CCDC149: variants seen among roughly 807,000 people sequenced by gnomAD.
CCDC149 encodes coiled-coil domain containing 149, also known as coiled-coil domain-containing protein 149.
CCDC149 carries 45 observed loss-of-function variants against 59.9 expected under a neutral mutation model. That is an observed-to-expected ratio of 0.75 (90% CI 0.59 to 0.96). The LOEUF is 0.96. CCDC149 is among the 40% of genes least tolerant of loss of function. The pLI is 0.00. For synonymous variants in CCDC149, 245 were observed against 260.6 expected (o/e 0.94, Z 0.58); for missense variants, 584 against 664.7 (o/e 0.88, Z 1.33).
chr4:24,894,732 C>T (rs1399465302), intron 1 of CCDC149, among the ~76,000 whole-genome samples: 1 of 151,336 alleles, frequency 6.6e-6, no homozygotes, highest in Non-Finnish European at 1.5e-5. Context: ...GTGAGATGCC[C>T]TTTCGAACAT....
chr4:24,891,016 C>T (rs567168357), intron 1 of CCDC149, among the ~76,000 whole-genome samples: 15 of 152,336 alleles, frequency 9.8e-5, no homozygotes, highest in Admixed American at 4.6e-4. Context: ...CCTCCCCAGC[C>T]GAGCCCTGTG....
intron 1 of CCDC149, among the ~76,000 whole-genome samples, chr4:24,904,147 T>C (rs986982767): frequency 6.6e-6 from 1 of 152,250 alleles, no homozygotes; most frequent in Non-Finnish European, 1.5e-5. Context: ...ATTGTGGTGA[T>C]GGTTACACCA....
chr4:24,956,480 A>T (rs6817068), intron 1 of CCDC149, among the ~76,000 whole-genome samples: 83,382 of 151,940 alleles, frequency 0.55, 24,364 homozygotes, highest in Non-Finnish European at 0.66. Context: ...AATATAAATT[A>T]CTTTAGTGAT....
upstream of CCDC149, among the ~76,000 whole-genome samples, chr4:24,913,245 C>A (rs1365501716): frequency 6.6e-6 from 1 of 152,126 alleles, no homozygotes; most frequent in Non-Finnish European, 1.5e-5. Context: ...GCGCGGGAGG[C>A]GGGCCCCACG....
rs370742550 is a variant in CCDC149, at chr4:24,896,542, A to G, written c.63+16275T>C. 3.3e-5 allele frequency among the ~76,000 whole-genome samples: 5 copies of G among 152,324 alleles called. No individual in the cohort carries two copies. In the East Asian group the frequency reaches 9.6e-4, roughly 29 times the overall value. On this transcript the variant is annotated intron_variant, in intron 1 of 12. Coordinates refer to ENST00000635206, the MANE Select transcript of CCDC149 (RefSeq NM_001330643.2). ...GGTGTATGTTCAGACACGCTATAAT[A>G]CAGGTCAGATCCCATTACAGAAAGT... is the stretch of plus-strand genomic sequence containing the variant.
At chr4:24,881,205 T>A (rs1475449836) in intron 1 of CCDC149, among the ~76,000 whole-genome samples, 1 of 152,208 alleles carries the variant, frequency 6.6e-6, no homozygotes, top group Non-Finnish European at 1.5e-5. Flanking sequence ...AGGCCAAACG[T>A]CTATTGGGTC....
At chr4:24,889,249 G>A (rs1448578850) in intron 1 of CCDC149, among the ~76,000 whole-genome samples, 1 of 152,088 alleles carries the variant, frequency 6.6e-6, no homozygotes, top group East Asian at 1.9e-4. Flanking sequence ...CCTGTCCTTT[G>A]CAAGCCTATA....
At position 24,808,447 on chromosome 4, in the gene CCDC149, G is replaced by T; in HGVS notation, c.1565C>A (p.Pro522Gln). The change falls in exon 13 of 13, where the codon CCG becomes CAG. Residue 522 changes from proline (P) to glutamine (Q), a missense_variant. Physicochemically the swap from Pro to Gln is moderately conservative, Grantham distance 76 (BLOSUM62 -1). Transcript: ENST00000635206. ...CTCTGGGATCCCTTTGCCGTCTTCC[G>T]GTGTGGAAGCTTTGGCTGCTGGCCG... 2 of 1,463,654 alleles carry T rather than the reference G, an allele frequency of 1.4e-6. No homozygotes were observed. Among genetic ancestry groups the T allele is most frequent in the Non-Finnish European group, 1.8e-6 (2 of 1,107,234 alleles). The allele number at this position is 1,463,654 out of a possible 1,614,324, so 90.7% of individuals were successfully genotyped here. A position where few individuals can be genotyped will look rare whatever the true frequency, so the allele number is the denominator to read the frequency against.
At chr4:24,847,865 G>A (rs948901655) in intron 4 of CCDC149, among the ~76,000 whole-genome samples, 2 of 152,120 alleles carry the variant, frequency 1.3e-5, no homozygotes, top group African/African-American at 2.4e-5. Context: ...ACTTCACTTT[G>A]GTAACCTGAC....
intron 1 of CCDC149, among the ~76,000 whole-genome samples, chr4:24,978,468 A>G (rs957420042): frequency 2.1e-4 from 32 of 152,176 alleles, no homozygotes; most frequent in African/African-American, 7.2e-4. Context: ...TGTGGTTCAC[A>G]TTCTATTTCT....
intron 12 of CCDC149, 67 bp downstream of exon 12, chr4:24,819,792 T>C: frequency 2.8e-6 from 3 of 1,087,606 alleles, no homozygotes; most frequent in Non-Finnish European, 4.1e-6. Flanking sequence ...GAGACCGATG[T>C]CCATTGAGCC....
intron 1 of CCDC149, among the ~76,000 whole-genome samples, chr4:24,936,481 C>T (rs1160905700): frequency 6.6e-6 from 1 of 152,072 alleles, no homozygotes; most frequent in African/African-American, 2.4e-5. Flanking sequence ...TGTTTCAATG[C>T]ATGTATATAT....
chr4:24,875,614 G>C (rs1461271839), intron 2 of CCDC149, among the ~76,000 whole-genome samples: 1 of 151,854 alleles, frequency 6.6e-6, no homozygotes, highest in African/African-American at 2.4e-5. Flanking sequence ...GGGATTACAG[G>C]TGTGTCACTG....
chr4:24,924,723 C>G (rs1722388424), intron 1 of CCDC149, among the ~76,000 whole-genome samples: 1 of 152,176 alleles, frequency 6.6e-6, no homozygotes, highest in African/African-American at 2.4e-5. Context: ...ACTATACTGC[C>G]TTTCATCATC....
chr4:24,976,119 T>C (rs1724182246), intron 1 of CCDC149, among the ~76,000 whole-genome samples: 2 of 152,226 alleles, frequency 1.3e-5, no homozygotes, highest in African/African-American at 2.4e-5. Context: ...GTGCCTACTT[T>C]AGATTTTTCA....
At chr4:24,873,322 C>G (rs972902289) in intron 3 of CCDC149, among the ~76,000 whole-genome samples, 1 of 151,004 alleles carries the variant, frequency 6.6e-6, no homozygotes, top group Non-Finnish European at 1.5e-5. Context: ...ATCCACTGAA[C>G]AGTATGCACC....
At chr4:24,900,301 C>T (rs188755216) in intron 1 of CCDC149, among the ~76,000 whole-genome samples, 2 of 152,314 alleles carry the variant, frequency 1.3e-5, no homozygotes, top group Non-Finnish European at 2.9e-5. Context: ...TCCTTCACTC[C>T]TCCTTCACAT....
chr4:24,838,980 T>A (rs529052335), intron 4 of CCDC149, among the ~76,000 whole-genome samples: 2 of 151,034 alleles, frequency 1.3e-5, no homozygotes, highest in East Asian at 3.9e-4. Context: ...CTATGCAGTA[T>A]GACTAAAATT....
At chr4:24,913,058 A>G (rs1721994246), upstream of CCDC149, 1 of 164,888 alleles carries the variant, frequency 6.1e-6, no homozygotes, top group South Asian at 1.9e-4. Flanking sequence ...AGGGAAAGGG[A>G]GGAGGGGCGC....
Sources: gnomAD v4.1 joint callset for allele counts (sites outside exome capture counted in the v4.1 genomes callset) on GRCh38, gnomAD v4.1.1 for gene constraint, MANE v1.5 for transcripts, NCBI Gene and HGNC (gene_info 2026-07-23, HGNC 2026-07-21) for gene names.